SMPD3: variants seen among roughly 807,000 people sequenced by gnomAD.
The protein encoded by SMPD3 is sphingomyelin phosphodiesterase 3.
Under a neutral mutation model 55.7 loss-of-function variants are expected in SMPD3, and 21 were observed. The ratio of observed to expected loss-of-function variants is 0.38; its 90% CI spans 0.27 to 0.54. The LOEUF (loss-of-function observed/expected upper bound fraction) is 0.54. SMPD3 is among the 20% of genes least tolerant of loss of function. SMPD3 has a pLI of 0.80. For synonymous variants in SMPD3, 457 were observed against 404.3 expected (o/e 1.13, Z -1.56); for missense variants, 842 against 899.6 (o/e 0.94, Z 0.82).
rs771472010 is a variant in SMPD3 at position 68,361,771 on chromosome 16, T to C, written c.1710-12A>G. 147 of 1,583,648 alleles carry C rather than the reference T, an allele frequency of 9.3e-5. 3 individuals carry two copies. In the South Asian group the frequency reaches 1.5e-3, roughly 16 times the overall value. Reference sequence around the variant, plus strand: ...CACTCTCCAGGACCCTGTCCACACATGCAGGAGGCAGGTGGGCCCCCATGC... The same window carrying C: ...CACTCTCCAGGACCCTGTCCACACACGCAGGAGGCAGGTGGGCCCCCATGC... On this transcript the variant is annotated splice_polypyrimidine_tract_variant and intron_variant, in intron 7 of 8. Transcript: ENST00000219334.
intron 3 of SMPD3, chr16:68,368,456 G>C (rs1336745874): frequency 6.5e-6 from 1 of 153,072 alleles, no homozygotes; most frequent in African/African-American, 2.4e-5. Flanking sequence ...CAGCAGGGCT[G>C]ATGCAGAGGA....
intron 2 of SMPD3, among the ~76,000 whole-genome samples, chr16:68,381,842 T>C (rs1467693346): frequency 1.3e-5 from 2 of 152,182 alleles, no homozygotes; most frequent in African/African-American, 4.8e-5. Flanking sequence ...ATTAGTCCAC[T>C]TACTTGATGC....
chr16:68,383,884 C>T (rs1195201959), intron 2 of SMPD3, among the ~76,000 whole-genome samples: 3 of 152,186 alleles, frequency 2.0e-5, no homozygotes, highest in African/African-American at 7.2e-5. Context: ...CACAATTCTG[C>T]CCCCTAGTCC....
chr16:68,443,315 C>T (rs2090582853), intron 1 of SMPD3, among the ~76,000 whole-genome samples: 1 of 152,184 alleles, frequency 6.6e-6, no homozygotes, highest in Admixed American at 6.5e-5. Context: ...GAGGCCCACA[C>T]AGTGAAAATT....
Position 68,364,788 on chromosome 16 carries a change from G to A in SMPD3, c.1518C>T (p.Val506=), listed in dbSNP as rs369932908. ...TATCAAAGTTGAAATCTCCACAGAC[G>A]ACGTCAAATGCCACCAGCTCCTCGG... ...ANPEELVAFD[V]VCGDFNFDNC... The change falls in exon 5 of 9, where the codon GTC becomes GTT. Residue 506 remains valine (V), a synonymous_variant. Coordinates refer to ENST00000219334, the MANE Select transcript of SMPD3 (RefSeq NM_018667.4). 67 of 1,613,766 alleles carry A rather than the reference G, an allele frequency of 4.2e-5. No homozygotes were observed. Among genetic ancestry groups the A allele is most frequent in the East Asian group, 6.7e-5 (3 of 44,896 alleles).
intron 1 of SMPD3, among the ~76,000 whole-genome samples, chr16:68,430,932 C>A (rs1239962045): frequency 6.6e-6 from 1 of 152,184 alleles, no homozygotes; most frequent in Non-Finnish European, 1.5e-5. Context: ...CATTTGTCTT[C>A]TGTGCACATT....
Position 68,438,912 on chromosome 16 carries a change from T to C in SMPD3, c.-269+9441A>G, listed in dbSNP as rs536171894. On this transcript the variant is annotated intron_variant, in intron 1 of 8. Transcript: ENST00000219334. ...GCCTGGGTTGGGGTCCTGGTCCTCT[T>C]ACTGTCTGCGTGACCTTAAGCAAGT... 1.2e-3 allele frequency among the ~76,000 whole-genome samples: 181 copies of C among 152,318 alleles called. 2 individuals are homozygous for C. Among genetic ancestry groups the C allele is most frequent in the Middle Eastern group, 0.01 (3 of 294 alleles).
intron 1 of SMPD3, among the ~76,000 whole-genome samples, chr16:68,403,805 C>T (rs550472133): frequency 2.0e-3 from 310 of 152,306 alleles, no homozygotes; most frequent in Non-Finnish European, 3.8e-3. Context: ...AATACCCTGA[C>T]AAATATTCTG....
chr16:68,387,852 C>A (rs2090073491), intron 1 of SMPD3, among the ~76,000 whole-genome samples: 1 of 152,216 alleles, frequency 6.6e-6, no homozygotes, highest in Non-Finnish European at 1.5e-5. Flanking sequence ...AGCCAAGGCC[C>A]CGTCCATTCT....
At chr16:68,422,419 C>A (rs1597660748) in intron 1 of SMPD3, among the ~76,000 whole-genome samples, 1 of 152,102 alleles carries the variant, frequency 6.6e-6, no homozygotes, top group Non-Finnish European at 1.5e-5. Context: ...GGTGCTTGGA[C>A]AAGATAGACG....
At chr16:68,410,225 CTG>C (rs1296504282) in intron 1 of SMPD3, among the ~76,000 whole-genome samples, 1 of 152,194 alleles carries the variant, frequency 6.6e-6, no homozygotes, top group East Asian at 1.9e-4. Context: ...GTGTCACAAA[CTG>C]TGGTTACTCC....
chr16:68,387,873 A>G (rs8055813), intron 1 of SMPD3, among the ~76,000 whole-genome samples: 119,015 of 152,300 alleles, frequency 0.78, 47,401 homozygotes, highest in African/African-American at 0.94. Context: ...CTGTCCCCTA[A>G]CTGAAGATGT....
In SMPD3 at chr16:68,371,409, G is replaced by C; in HGVS notation, c.773C>G (p.Ala258Gly). 1 of 1,569,934 alleles carries C rather than the reference G, an allele frequency of 6.4e-7. No homozygotes were observed. Among genetic ancestry groups the C allele is most frequent in the East Asian group, 2.2e-5 (1 of 44,634 alleles). ...GGEEGGRPPEADDPVPGGQAR... is the reference protein window; with the variant it reads ...GGEEGGRPPEGDDPVPGGQAR... Reference sequence around the variant, plus strand: ...CTGGCCCCCAGGCACAGGGTCGTCAGCTTCAGGTGGCCGGCCGCCCTCCTC... The same window carrying C: ...CTGGCCCCCAGGCACAGGGTCGTCACCTTCAGGTGGCCGGCCGCCCTCCTC... Residue 258 changes from alanine to glycine, a missense_variant, in exon 3 of 9, where the codon GCT becomes GGT. Physicochemically the swap from Ala to Gly is moderately conservative, Grantham distance 60. This residue lies in a region of SMPD3 where 649 missense variants were observed against 643.6 expected (regional missense o/e 1.01). Transcript: ENST00000219334.
intron 2 of SMPD3, among the ~76,000 whole-genome samples, chr16:68,379,387 C>G (rs760014266): frequency 2.0e-5 from 3 of 152,244 alleles, no homozygotes; most frequent in Non-Finnish European, 2.9e-5. Context: ...ATAACCGTCT[C>G]TCAGGGTAGT....
chr16:68,421,234 T>C (rs2090390748), intron 1 of SMPD3, among the ~76,000 whole-genome samples: 1 of 152,082 alleles, frequency 6.6e-6, no homozygotes, highest in South Asian at 2.1e-4. Flanking sequence ...AGTATCCCCA[T>C]CCTCCCTCAT....
intron 3 of SMPD3, chr16:68,367,227 A>C (rs1567780033): frequency 1.3e-5 from 2 of 152,378 alleles, no homozygotes; most frequent in Non-Finnish European, 2.9e-5. Flanking sequence ...CTCCTCCTCC[A>C]TGAGGATCAT....
At chr16:68,410,566 C>T (rs2090291074) in intron 1 of SMPD3, among the ~76,000 whole-genome samples, 1 of 152,118 alleles carries the variant, frequency 6.6e-6, no homozygotes, top group Admixed American at 6.6e-5. Flanking sequence ...TTAAATCAGC[C>T]CAACTTTGGA....
rs745601859 is a variant in SMPD3, at chr16:68,361,700, G to C, written c.1769C>G (p.Ser590Trp). The part of the protein sequence containing the change: ...EYLAFPTSKS[S>W]GQKGRKELLK... ...CAGCTCCTTCCGCCCCTTCTGGCCC[G>C]AGCTCTTGCTGGTGGGAAACGCCAG... The change falls in exon 8 of 9, where the codon TCG becomes TGG. Residue 590 changes from serine (S) to tryptophan (W), a missense_variant. This residue lies in a region of SMPD3 where 649 missense variants were observed against 643.6 expected (regional missense o/e 1.01). Coordinates refer to ENST00000219334, the MANE Select transcript of SMPD3 (RefSeq NM_018667.4). 1 of 1,612,918 alleles carries C rather than the reference G, an allele frequency of 6.2e-7. No individual in the cohort carries two copies. The highest frequency in any genetic ancestry group is 8.5e-7 in the Non-Finnish European group (1 of 1,179,974).
At chr16:68,401,032 C>T (rs1217711715) in intron 1 of SMPD3, among the ~76,000 whole-genome samples, 1 of 152,218 alleles carries the variant, frequency 6.6e-6, no homozygotes, top group East Asian at 1.9e-4. Context: ...CAGAGCACTG[C>T]CAGTGCCACC....
Sources: gnomAD v4.1 joint callset for allele counts (sites outside exome capture counted in the v4.1 genomes callset) on GRCh38, gnomAD v4.1.1 for gene constraint, gnomAD v4.1.1 regional missense constraint, MANE v1.5 for transcripts, NCBI Gene and HGNC (gene_info 2026-07-23, HGNC 2026-07-21) for gene names.